CREBBP: variants seen among roughly 807,000 people sequenced by gnomAD.
CREBBP encodes the protein CREB-binding protein.
CREBBP carries 19 observed loss-of-function variants against 265.0 expected under a neutral mutation model. The ratio of observed to expected loss-of-function variants is 0.07; its 90% confidence interval spans 0.05 to 0.11. The LOEUF (loss-of-function observed/expected upper bound fraction) is 0.11. CREBBP is among the 10% of genes least tolerant of loss of function. The pLI is 1.00. For missense variants in CREBBP, 2,525 were observed against 3,219.0 expected, an observed-to-expected ratio of 0.78 and a Z score of 5.22; for synonymous variants, 1,457 against 1,223.7, an observed-to-expected ratio of 1.19 and a Z score of -3.98.
intron 24 of CREBBP, 102 bp from the exon 25 acceptor site, chr16:3,739,826 G>T: frequency 6.5e-7 from 1 of 1,530,068 alleles, no homozygotes; most frequent in South Asian, 1.1e-5. Context: ...GCAGATGAGC[G>T]GAGGCATGGC....
chr16:3,738,081 C>G (rs1051637041), intron 26 of CREBBP, among the ~76,000 whole-genome samples: 1 of 151,608 alleles, frequency 6.6e-6, no homozygotes, highest in East Asian at 2.0e-4. Context: ...CCACCGCGCC[C>G]GGCCTTTTTT....
At chr16:3,776,686 A>C (rs1258440551) in intron 11 of CREBBP, among the ~76,000 whole-genome samples, 2 of 152,106 alleles carry the variant, frequency 1.3e-5, no homozygotes, top group Admixed American at 1.3e-4. Flanking sequence ...TCCTAAGAGT[A>C]ACGTACCACA....
intron 27 of CREBBP, 67 bp from the exon 28 acceptor site, chr16:3,736,270 G>A (rs2052056462): frequency 3.3e-6 from 5 of 1,520,356 alleles, no homozygotes; most frequent in African/African-American, 2.7e-5. Context: ...TGGTGCGACA[G>A]ACCCCCACGC....
intron 15 of CREBBP, 73 bp from the exon 16 acceptor site, chr16:3,767,982 C>G: frequency 7.0e-7 from 1 of 1,428,898 alleles, no homozygotes; most frequent in Non-Finnish European, 9.8e-7. Context: ...CGGGAAGACT[C>G]TTACAAGCCT....
intron 2 of CREBBP, among the ~76,000 whole-genome samples, chr16:3,817,736 G>A (rs571543311): frequency 2.6e-5 from 4 of 152,124 alleles, no homozygotes; most frequent in Admixed American, 2.0e-4. Flanking sequence ...CTCTTCTGTC[G>A]AAAAGGTCAG....
intron 1 of CREBBP, 90 bp downstream of exon 1, chr16:3,879,742 G>C (rs2055485210): frequency 2.9e-6 from 4 of 1,368,468 alleles, no homozygotes; most frequent in South Asian, 1.2e-5. Flanking sequence ...CGGCTCGATC[G>C]GTATCCGCGA....
intron 3 of CREBBP, among the ~76,000 whole-genome samples, chr16:3,805,544 C>T (rs1222992900): frequency 2.6e-5 from 4 of 152,174 alleles, no homozygotes; most frequent in Admixed American, 1.3e-4. Flanking sequence ...TCATCAAAGA[C>T]GACAACAGAG....
chr16:3,851,429 C>T (rs1190858082), intron 1 of CREBBP, among the ~76,000 whole-genome samples: 3 of 151,770 alleles, frequency 2.0e-5, no homozygotes, highest in Non-Finnish European at 4.4e-5. Flanking sequence ...AAGGACAGCC[C>T]TACTATATTT....
At chr16:3,873,303 CG>C (rs1427766629) in intron 1 of CREBBP, among the ~76,000 whole-genome samples, 3 of 152,100 alleles carry the variant, frequency 2.0e-5, no homozygotes, top group Non-Finnish European at 2.9e-5. Context: ...TTTAAGTTTT[CG>C]TAATTTTAAG....
At chr16:3,786,043 A>G (rs1399804859) in intron 5 of CREBBP, among the ~76,000 whole-genome samples, 1 of 152,246 alleles carries the variant, frequency 6.6e-6, no homozygotes, top group Non-Finnish European at 1.5e-5. Flanking sequence ...TTCATGCACA[A>G]ACAATGTTCC....
At position 3,728,967 on chromosome 16, in the gene CREBBP, G is replaced by A. The variant is rs2151306291; in HGVS notation, c.6080C>T (p.Pro2027Leu). 1 of 1,597,296 alleles carries A rather than the reference G, an allele frequency of 6.3e-7. No homozygotes were observed. Among genetic ancestry groups the A allele is most frequent in the Non-Finnish European group, 8.5e-7 (1 of 1,177,096 alleles). Reference protein sequence around the residue: ...PPGQWQQAPLPQQQPMPGLPR... With the variant: ...PPGQWQQAPLLQQQPMPGLPR... ...CAAGCCTGGCATGGGCTGCTGCTGG[G>A]GAAGGGGCGCCTGCTGCCACTGCCC... is the stretch of plus-strand genomic sequence containing the variant. Residue 2027 changes from proline to leucine, a missense_variant, in exon 31 of 31, where the codon CCC becomes CTC. Around this residue, in one of 19 missense-constraint regions of CREBBP, gnomAD observed 275 missense variants for 276.5 expected, o/e 0.99. Coordinates refer to ENST00000262367, the MANE Select transcript of CREBBP (RefSeq NM_004380.3). This position sits in a 1 kb window ranked among gnomAD's most constrained non-coding sequence, Gnocchi z 8.7.
intron 1 of CREBBP, among the ~76,000 whole-genome samples, chr16:3,864,407 A>G (rs1233479646): frequency 1.3e-5 from 2 of 152,172 alleles, no homozygotes; most frequent in African/African-American, 4.8e-5. Flanking sequence ...CACTTTGGGA[A>G]GCCGAGGCAG....
intron 5 of CREBBP, 88 bp downstream of exon 5, chr16:3,791,893 C>A: frequency 8.7e-7 from 1 of 1,153,406 alleles, no homozygotes; most frequent in South Asian, 1.2e-5. Flanking sequence ...CTCATAACCC[C>A]TGCCCACTCC....
At chr16:3,736,329 C>T (rs560311898) in intron 27 of CREBBP, 126 bp from the exon 28 acceptor site, 4 of 1,023,204 alleles carry the variant, frequency 3.9e-6, no homozygotes, top group African/African-American at 1.6e-5. Flanking sequence ...ATGTGTGCCC[C>T]CCCACCACAG....
rs2151310402 is a variant in CREBBP, at chr16:3,729,554, C to T, written c.5493G>A (p.Lys1831=). The T allele has an allele frequency of 6.2e-7, 1 of 1,614,172 alleles. No homozygotes were observed. Among genetic ancestry groups the T allele is most frequent in the Non-Finnish European group, 8.5e-7 (1 of 1,180,016 alleles). The change falls in exon 31 of 31, where the codon AAG becomes AAA. Residue 1831 remains lysine (K), a synonymous_variant. Coordinates refer to ENST00000262367, the MANE Select transcript of CREBBP (RefSeq NM_004380.3). ...QLIALCCYHA[K]HCQENKCPVP... ...CGGGGCATTTGTTTTCTTGGCAGTG[C>T]TTGGCGTGGTAGCAGCAGAGGGCGA...
intron 2 of CREBBP, among the ~76,000 whole-genome samples, chr16:3,844,122 T>C (rs2054618991): frequency 8.8e-6 from 1 of 113,660 alleles, no homozygotes; most frequent in African/African-American, 3.5e-5. Context: ...CACTCCAGCC[T>C]GGGCGACAGA....
intron 3 of CREBBP, among the ~76,000 whole-genome samples, chr16:3,807,201 C>G (rs2053847638): frequency 6.6e-6 from 1 of 152,262 alleles, no homozygotes; most frequent in East Asian, 1.9e-4. Context: ...CCTTCCCTTC[C>G]TCAATGCTAC....
chr16:3,752,510 A>C (rs2151374902), intron 19 of CREBBP, among the ~76,000 whole-genome samples: 1 of 152,130 alleles, frequency 6.6e-6, no homozygotes. Flanking sequence ...TACAAATGAA[A>C]CCAAATCCAT....
At chr16:3,741,029 G>T (rs189589308) in intron 23 of CREBBP, 1 of 229,180 alleles carries the variant, frequency 4.4e-6, no homozygotes, top group African/African-American at 2.6e-5. Flanking sequence ...GAGCCTGTCC[G>T]GTGCCTCAGG....
Sources: gnomAD v4.1 joint callset for allele counts (sites outside exome capture counted in the v4.1 genomes callset) on GRCh38, gnomAD v4.1.1 for gene constraint, gnomAD v4.1.1 regional missense constraint, Gnocchi (gnomAD v3.1) non-coding constraint, MANE v1.5 for transcripts, NCBI Gene and HGNC (gene_info 2026-07-23, HGNC 2026-07-21) for gene names.